Variants in PPARGC1B observed in about 807,000 individuals in gnomAD.
The protein encoded by PPARGC1B is PPARG coactivator 1 beta.
A neutral mutation model predicts 101.6 loss-of-function variants in PPARGC1B; 34 were observed. The ratio of observed to expected loss-of-function variants is 0.33; its 90% confidence interval spans 0.25 to 0.45. The LOEUF is 0.45. Ranked by LOEUF, PPARGC1B falls within the 20% of genes least tolerant of loss-of-function variation. The probability of loss-of-function intolerance (pLI) is 1.00; values close to 1 mark genes in which losing one functional copy is unlikely to be tolerated. For synonymous variants in PPARGC1B, 548 were observed against 539.3 expected (o/e 1.02, Z -0.22); for missense variants, 1,234 against 1,317.6 (o/e 0.94, Z 0.98).
chr5:149,763,188 G>A (rs1755778748), intron 1 of PPARGC1B, among the ~76,000 whole-genome samples: 2 of 152,156 alleles, frequency 1.3e-5, no homozygotes, highest in Admixed American at 6.5e-5. Context: ...TGCTCCCTCC[G>A]GCCTTTGGCC....
chr5:149,767,697 C>T (rs1561512977), intron 1 of PPARGC1B, among the ~76,000 whole-genome samples: 1 of 152,130 alleles, frequency 6.6e-6, no homozygotes, highest in Non-Finnish European at 1.5e-5. Context: ...ATCCCATTCC[C>T]TTTGGACATC....
chr5:149,740,390 A>G (rs1032259966), intron 1 of PPARGC1B, among the ~76,000 whole-genome samples: 1 of 152,232 alleles, frequency 6.6e-6, no homozygotes, highest in African/African-American at 2.4e-5. Flanking sequence ...GACACATGTA[A>G]TGCAGACCCT....
At chr5:149,741,096 G>T (rs1214616685) in intron 1 of PPARGC1B, among the ~76,000 whole-genome samples, 1 of 152,166 alleles carries the variant, frequency 6.6e-6, no homozygotes, top group East Asian at 1.9e-4. Flanking sequence ...CCCACTGTCT[G>T]GGAACTCAGC....
intron 1 of PPARGC1B, among the ~76,000 whole-genome samples, chr5:149,788,981 C>T (rs555866037): frequency 2.2e-4 from 34 of 152,058 alleles, no homozygotes; most frequent in Admixed American, 5.2e-4. Context: ...ATGTAGATGA[C>T]GAGTTAATGG....
At chr5:149,841,340 T>C (rs888923210) in intron 9 of PPARGC1B, among the ~76,000 whole-genome samples, 1 of 150,840 alleles carries the variant, frequency 6.6e-6, no homozygotes, top group Non-Finnish European at 1.5e-5. Context: ...GCAAGGAGAG[T>C]GGGAGGAGGG....
Position 149,852,739 on chromosome 5 carries a change from T to A in PPARGC1B, c.*5181T>A, listed in dbSNP as rs1759811734. 1 of 150,370 alleles carries A rather than the reference T, an allele frequency of 6.7e-6. No homozygotes were observed. The allele number at this position is 150,370 out of a possible 1,614,324, so 9.3% of individuals were successfully genotyped here. A position where few individuals can be genotyped will look rare whatever the true frequency, so the allele number is the denominator to read the frequency against. On this transcript the variant is annotated 3_prime_UTR_variant, in exon 12 of 12. Coordinates refer to ENST00000309241, the MANE Select transcript of PPARGC1B (RefSeq NM_133263.4). The stretch of plus-strand genomic sequence containing the variant: ...TTTTTTTTTTTTAAAGAAAAACAGC[T>A]TAGGAGCTTTTCACACATTTCTTTC...
At chr5:149,782,312 A>G (rs1200760553) in intron 1 of PPARGC1B, among the ~76,000 whole-genome samples, 1 of 152,006 alleles carries the variant, frequency 6.6e-6, no homozygotes, top group Non-Finnish European at 1.5e-5. Context: ...ACTCTTAAAA[A>G]TTTTTTTTCT....
At chr5:149,814,758 T>C (rs986367256) in intron 1 of PPARGC1B, among the ~76,000 whole-genome samples, 16 of 152,382 alleles carry the variant, frequency 1.0e-4, no homozygotes, top group African/African-American at 3.6e-4. Flanking sequence ...AAGCCACTTA[T>C]GTGAGTCTGG....
intron 1 of PPARGC1B, among the ~76,000 whole-genome samples, chr5:149,802,602 T>G (rs774719644): frequency 5.3e-5 from 8 of 151,030 alleles, no homozygotes; most frequent in Non-Finnish European, 1.2e-4. Context: ...CCTGCCGGGC[T>G]CTGGGCTAGG....
At position 149,843,124 on chromosome 5, in the gene PPARGC1B, C is replaced by T. The variant is rs180670592; in HGVS notation, c.2816+747C>T. On this transcript the variant is annotated intron_variant, in intron 10 of 11. Transcript: ENST00000309241. ...CAGAGGTTGCAGTGAGCCGAGATGG[C>T]GCCACTGCACTCCAGCCTGGGTGAT... is the stretch of plus-strand genomic sequence containing the variant. Among the ~76,000 whole-genome samples, 1,463 of 152,158 alleles carry T rather than the reference C, an allele frequency of 9.6e-3. 61 individuals are homozygous for T. Among genetic ancestry groups the T allele is most frequent in the Admixed American group, 0.079 (1,208 of 15,282 alleles).
intron 1 of PPARGC1B, among the ~76,000 whole-genome samples, chr5:149,743,416 A>C (rs1206927625): frequency 3.3e-5 from 5 of 152,066 alleles, no homozygotes; most frequent in Middle Eastern, 3.4e-3. Flanking sequence ...TGGCCTCCCA[A>C]AGTGCTGAGA....
At chr5:149,770,034 C>T (rs529305815) in intron 1 of PPARGC1B, among the ~76,000 whole-genome samples, 1 of 152,322 alleles carries the variant, frequency 6.6e-6, no homozygotes, top group African/African-American at 2.4e-5. Flanking sequence ...CCTTATGCTG[C>T]CTGCTGTGGT....
chr5:149,835,470 A>G, intron 7 of PPARGC1B, 105 bp downstream of exon 7: 3 of 983,842 alleles, frequency 3.0e-6, no homozygotes, highest in Non-Finnish European at 4.8e-6. Flanking sequence ...AACGATGCGC[A>G]AGATGCCTGC....
intron 2 of PPARGC1B, among the ~76,000 whole-genome samples, chr5:149,824,142 C>T (rs753627361): frequency 1.3e-5 from 2 of 152,192 alleles, no homozygotes; most frequent in Non-Finnish European, 2.9e-5. Flanking sequence ...GTAGCGTGTG[C>T]GCCACGCATT....
At chr5:149,774,471 G>A (rs574707158) in intron 1 of PPARGC1B, among the ~76,000 whole-genome samples, 31 of 152,228 alleles carry the variant, frequency 2.0e-4, no homozygotes, top group African/African-American at 6.0e-4. Context: ...GGTCTGCGGC[G>A]CTGGTAATCC....
chr5:149,796,677 G>T (rs1023126729), intron 1 of PPARGC1B, among the ~76,000 whole-genome samples: 1 of 152,070 alleles, frequency 6.6e-6, no homozygotes, highest in Non-Finnish European at 1.5e-5. Flanking sequence ...ATGGTATTTT[G>T]GAGAGAGTGC....
rs3733665 is a variant in PPARGC1B at position 149,853,992 on chromosome 5, A to G, written c.*6434A>G. 15,805 of 152,104 alleles carry G rather than the reference A, an allele frequency of 0.1. 1,028 individuals are homozygous for G. The highest frequency in any genetic ancestry group is 0.15 in the Middle Eastern group (43 of 294). The allele number at this position is 152,104 out of a possible 1,614,324, so 9.4% of individuals were successfully genotyped here. On this transcript the variant is annotated 3_prime_UTR_variant, in exon 12 of 12. Transcript: ENST00000309241. This position sits in a 1 kb window ranked among gnomAD's most constrained non-coding sequence, Gnocchi z 4.2. The stretch of plus-strand genomic sequence containing the variant: ...TCCAGAGGCAGCTGCTAATGTTGAA[A>G]CCAACACGAGCCCTCTCCCCAACCC...
chr5:149,822,227 A>C (rs1193932863), intron 2 of PPARGC1B, among the ~76,000 whole-genome samples: 1 of 152,170 alleles, frequency 6.6e-6, no homozygotes, highest in Non-Finnish European at 1.5e-5. Context: ...ATCCCCACTG[A>C]GACTGTATAG....
chr5:149,828,253 G>A (rs973365446), intron 3 of PPARGC1B, among the ~76,000 whole-genome samples: 1 of 152,212 alleles, frequency 6.6e-6, no homozygotes, highest in Admixed American at 6.5e-5. Context: ...GGCTCCTGCC[G>A]AGAGGGGGTC....
Sources: gnomAD v4.1 joint callset for allele counts (sites outside exome capture counted in the v4.1 genomes callset) on GRCh38, gnomAD v4.1.1 for gene constraint, Gnocchi (gnomAD v3.1) non-coding constraint, MANE v1.5 for transcripts, NCBI Gene and HGNC (gene_info 2026-07-23, HGNC 2026-07-21) for gene names.